Variants in TANC2 observed in about 807,000 individuals in gnomAD.
TANC2 encodes the protein protein TANC2.
In TANC2, 26 loss-of-function variants were observed where a neutral mutation model predicts 210.5. That is an observed-to-expected ratio of 0.12 (90% CI 0.09 to 0.17). The LOEUF (loss-of-function observed/expected upper bound fraction) is 0.17. Ranked by LOEUF, TANC2 falls within the 10% of genes least tolerant of loss-of-function variation. The pLI is 1.00. For synonymous variants in TANC2, 931 were observed against 967.1 expected (o/e 0.96, Z 0.69); for missense variants, 2,129 against 2,608.9 (o/e 0.82, Z 4.01).
intron 17 of TANC2, chr17:63,390,919 C>T (rs1285553801): frequency 2.6e-5 from 4 of 152,192 alleles, no homozygotes; most frequent in East Asian, 1.9e-4. Context: ...GATCCTATCA[C>T]GCCTCTTCTG....
chr17:63,357,393 G>T (rs532718420), intron 14 of TANC2, among the ~76,000 whole-genome samples: 1 of 152,252 alleles, frequency 6.6e-6, no homozygotes, highest in East Asian at 1.9e-4. Context: ...TCTCAACATC[G>T]CATTTTAACT....
At chr17:63,160,351 G>A (rs1486777115) in intron 5 of TANC2, among the ~76,000 whole-genome samples, 1 of 152,082 alleles carries the variant, frequency 6.6e-6, no homozygotes, top group Admixed American at 6.6e-5. Flanking sequence ...GCTAGTCTTG[G>A]CAACATAGTG....
At chr17:63,290,136 C>T (rs1447766890) in intron 9 of TANC2, among the ~76,000 whole-genome samples, 1 of 147,174 alleles carries the variant, frequency 6.8e-6, no homozygotes, top group African/African-American at 2.4e-5. Context: ...GGTTACTTTT[C>T]CCCTTCTTCT....
intron 2 of TANC2, among the ~76,000 whole-genome samples, chr17:63,065,072 A>G (rs927819570): frequency 6.6e-6 from 1 of 152,082 alleles, no homozygotes; most frequent in South Asian, 2.1e-4. Context: ...CCAAGCCCCT[A>G]ACAACCACCA....
intron 2 of TANC2, among the ~76,000 whole-genome samples, chr17:63,030,832 T>G (rs1225995179): frequency 1.3e-5 from 2 of 149,476 alleles, no homozygotes; most frequent in Admixed American, 1.3e-4. Context: ...CCTAGTTTTG[T>G]TTTTTTTAAT....
At position 63,314,326 on chromosome 17, in the gene TANC2, CTCTT is replaced by C. The variant is rs2045239695; in HGVS notation, c.1160-60_1160-57del. ...CCCTAAACCACACTGCATTTTTTCT[CTCTT>C]TGTTTCTCTCAATGTTGACAGTTTG... On this transcript the variant is annotated intron_variant, in intron 9 of 27. Coordinates refer to ENST00000689528, the Ensembl canonical transcript of TANC2. 36 of 1,572,734 alleles carry C rather than the reference CTCTT, an allele frequency of 2.3e-5. No homozygotes were observed. In the South Asian group the frequency reaches 3.2e-4, roughly 14 times the overall value.
intron 8 of TANC2, among the ~76,000 whole-genome samples, chr17:63,265,060 T>C (rs2043483275): frequency 6.6e-6 from 1 of 152,324 alleles, no homozygotes; most frequent in East Asian, 1.9e-4. Flanking sequence ...TCTGTTAGAA[T>C]AGTCGCAACA....
chr17:63,095,571 G>A (rs1287837651), intron 3 of TANC2, among the ~76,000 whole-genome samples: 1 of 152,070 alleles, frequency 6.6e-6, no homozygotes, highest in Non-Finnish European at 1.5e-5. Flanking sequence ...CTTGCCTTCA[G>A]TGACTGGGCC....
chr17:63,280,903 A>G (rs1399182189), intron 9 of TANC2, among the ~76,000 whole-genome samples: 1 of 152,146 alleles, frequency 6.6e-6, no homozygotes, highest in African/African-American at 2.4e-5. Flanking sequence ...TCTCAGAGTT[A>G]ATGAGGTAAA....
chr17:63,306,025 C>T (rs555298319), intron 9 of TANC2, among the ~76,000 whole-genome samples: 9 of 152,292 alleles, frequency 5.9e-5, no homozygotes, highest in Non-Finnish European at 1.3e-4. Flanking sequence ...GAAAACTGCA[C>T]CTTTGGACGC....
At chr17:62,976,792 A>G (rs971657324) in intron 1 of TANC2, among the ~76,000 whole-genome samples, 2 of 152,226 alleles carry the variant, frequency 1.3e-5, no homozygotes, top group African/African-American at 4.8e-5. Flanking sequence ...ATACTGGTCC[A>G]AGAAAGCATT....
rs573939235 is a variant in TANC2 at position 63,328,154 on chromosome 17, C to A, written c.1575+9064C>A. Among the ~76,000 whole-genome samples the A allele has an allele frequency of 2.6e-5, 4 of 152,140 alleles. No homozygotes were observed. The South Asian group carries it at 8.3e-4, about 32-fold the overall frequency. On this transcript the variant is annotated intron_variant, in intron 11 of 27. Coordinates refer to ENST00000689528, the Ensembl canonical transcript of TANC2. ...GCTAAACATTGAGTACACATGGACA[C>A]AAGAAAGAGAATAACAGACACTGGG...
chr17:63,332,593 G>T, intron 11 of TANC2: 1 of 258,360 alleles, frequency 3.9e-6, no homozygotes, highest in Non-Finnish European at 7.5e-6. Context: ...CTACCACTAT[G>T]GCCAGTTGAA....
At chr17:63,385,403 A>G (rs1276385809) in intron 15 of TANC2, among the ~76,000 whole-genome samples, 1 of 152,242 alleles carries the variant, frequency 6.6e-6, no homozygotes, top group African/African-American at 2.4e-5. Flanking sequence ...CAGGATCTAC[A>G]GTGCAGGTGT....
intron 7 of TANC2, among the ~76,000 whole-genome samples, chr17:63,221,933 C>CAA (rs2042204043): frequency 6.6e-6 from 1 of 152,186 alleles, no homozygotes; most frequent in African/African-American, 2.4e-5. Flanking sequence ...TATGTCTACG[C>CAA]AAAGACCAGT....
At chr17:63,297,904 G>A (rs962758110) in intron 9 of TANC2, among the ~76,000 whole-genome samples, 1 of 151,972 alleles carries the variant, frequency 6.6e-6, no homozygotes, top group Admixed American at 6.6e-5. Flanking sequence ...TAAATGACTT[G>A]AATAGACATT....
intron 5 of TANC2, 65 bp downstream of exon 5, chr17:63,151,445 G>C: frequency 1.3e-6 from 1 of 770,978 alleles, no homozygotes; most frequent in Non-Finnish European, 1.6e-6. Context: ...ATCCAGCAGA[G>C]CAGTGTTTTG....
At position 63,060,481 on chromosome 17, in the gene TANC2, C is replaced by T. The variant is rs138285711; in HGVS notation, c.68-13462C>T. The stretch of plus-strand genomic sequence containing the variant: ...ACCAGAAATACAAAAATTAGCTGGG[C>T]ATGGTGGTGGGCGCCTGTAATCCCA... On this transcript the variant is annotated intron_variant, in intron 2 of 27. Coordinates refer to ENST00000689528, the Ensembl canonical transcript of TANC2. Among the ~76,000 whole-genome samples, 1,484 of 152,182 alleles carry T rather than the reference C, an allele frequency of 9.8e-3. 13 individuals carry two copies. Among genetic ancestry groups the T allele is most frequent in the South Asian group, 0.016 (78 of 4,814 alleles).
intron 26 of TANC2, among the ~76,000 whole-genome samples, chr17:63,416,660 A>G (rs1459240020): frequency 1.3e-5 from 2 of 152,142 alleles, no homozygotes; most frequent in Non-Finnish European, 2.9e-5. Context: ...GTCTCAGAGA[A>G]CACAGCCATG....
Sources: gnomAD v4.1 joint callset for allele counts (sites outside exome capture counted in the v4.1 genomes callset) on GRCh38, gnomAD v4.1.1 for gene constraint, MANE v1.5 for transcripts, NCBI Gene and HGNC (gene_info 2026-07-23, HGNC 2026-07-21) for gene names.